ZNF723: variants seen among roughly 807,000 people sequenced by gnomAD.
ZNF723 encodes zinc finger protein 723.
In ZNF723, 5 loss-of-function variants were observed where a neutral mutation model predicts 9.4. The observed-to-expected ratio is 0.53, with a 90% CI of 0.28 to 1.12. The LOEUF (loss-of-function observed/expected upper bound fraction) is 1.12. Ranked by LOEUF, ZNF723 falls within the 50% of genes most tolerant of loss-of-function variation. The pLI is 0.10. For synonymous variants in ZNF723, 158 were observed against 168.8 expected, an observed-to-expected ratio of 0.94 and a Z score of 0.49; for missense variants, 450 against 501.5, an observed-to-expected ratio of 0.90 and a Z score of 0.98.
intron 1 of ZNF723, among the ~76,000 whole-genome samples, chr19:22,846,523 C>T (rs766141893): frequency 1.1e-4 from 16 of 151,940 alleles, no homozygotes; most frequent in Admixed American, 2.0e-4. Context: ...CTTGATAGGC[C>T]GAGGCAGGAG....
chr19:22,826,147 G>A, the ZNF723 span, among the ~76,000 whole-genome samples: 5 of 152,144 alleles, frequency 3.3e-5, no homozygotes, highest in Non-Finnish European at 5.9e-5. Context: ...CCCACTGGGG[G>A]CATTGTGACA....
At chr19:22,849,910 A>G (rs1039215164) in intron 3 of ZNF723, among the ~76,000 whole-genome samples, 1 of 152,170 alleles carries the variant, frequency 6.6e-6, no homozygotes, top group African/African-American at 2.4e-5. Flanking sequence ...AGTCCATCTC[A>G]AAAGTAAAAA....
the ZNF723 span, among the ~76,000 whole-genome samples, chr19:22,823,726 G>A: frequency 1.3e-5 from 2 of 152,190 alleles, no homozygotes; most frequent in South Asian, 4.1e-4. Flanking sequence ...CAAGCACCAA[G>A]GTAATATGAC....
At chr19:22,852,753 T>C (rs1403447703) in intron 3 of ZNF723, among the ~76,000 whole-genome samples, 1 of 152,186 alleles carries the variant, frequency 6.6e-6, no homozygotes, top group Non-Finnish European at 1.5e-5. Context: ...CTATGCAACA[T>C]ATCCCTAGAA....
chr19:22,858,307 G>A lies in ZNF723; in HGVS notation c.1416G>A (p.Lys472=). ...FNQYSTLNKH[K]IIHAREKPYK... The stretch of plus-strand genomic sequence containing the variant: ...AATATTCAACCCTTAATAAACATAA[G>A]ATAATTCATGCTAGAGAGAAGCCTT... Residue 472 remains lysine (K), a synonymous_variant, in exon 4 of 4, where the codon AAG becomes AAA. Coordinates refer to ENST00000600766, the MANE Select transcript of ZNF723 (RefSeq NM_001349726.2). 8.4e-7 allele frequency: 1 copy of A among 1,183,902 alleles called. No individual in the cohort carries two copies. The highest frequency in any genetic ancestry group is 1.3e-6 in the Non-Finnish European group (1 of 796,552). The allele number at this position is 1,183,902 out of a possible 1,614,324, so 73.3% of individuals were successfully genotyped here.
chr19:22,819,884 T>C, the ZNF723 span, among the ~76,000 whole-genome samples: 4 of 152,130 alleles, frequency 2.6e-5, no homozygotes, highest in Non-Finnish European at 5.9e-5. Context: ...GCATACATTG[T>C]GTATTGTGAC....
In ZNF723 at chr19:22,839,463, T is replaced by A. The variant is rs999469554; in HGVS notation, c.3+7081T>A. Among the ~76,000 whole-genome samples, 325 of 138,456 alleles carry A rather than the reference T, an allele frequency of 2.3e-3. 2 individuals are homozygous for A. The highest frequency in any genetic ancestry group is 8.4e-3 in the African/African-American group (277 of 32,934). 90.8% of individuals were successfully genotyped at this position (138,456 alleles called of 152,430 possible). A position where few individuals can be genotyped will look rare whatever the true frequency, so the allele number is the denominator to read the frequency against. On this transcript the variant is annotated intron_variant, in intron 1 of 3. Coordinates refer to ENST00000600766, the MANE Select transcript of ZNF723 (RefSeq NM_001349726.2). ...CACAACCTTGCCAGCATGTTTTTTT[T>A]TGGTTTTTTTTTTTTTTTTTTGAGA...
chr19:22,820,068 G>A, the ZNF723 span, among the ~76,000 whole-genome samples: 1 of 152,238 alleles, frequency 6.6e-6, no homozygotes, highest in East Asian at 1.9e-4. Context: ...CCCAGGTGAT[G>A]TGACTCTCCT....
intron 3 of ZNF723, among the ~76,000 whole-genome samples, chr19:22,851,641 C>T (rs1418052893): frequency 6.6e-6 from 1 of 152,170 alleles, no homozygotes; most frequent in Non-Finnish European, 1.5e-5. Context: ...TATCGGATTA[C>T]AGGCATGAGC....
Position 22,858,455 on chromosome 19 carries a change from A to G in ZNF723, c.*22A>G, listed in dbSNP as rs181626062. 6 of 641,594 alleles carry G rather than the reference A, an allele frequency of 9.4e-6. No individual in the cohort carries two copies. The highest frequency in any genetic ancestry group is 8.8e-5 in the Admixed American group (3 of 33,918). 39.7% of individuals were successfully genotyped at this position (641,594 alleles called of 1,614,324 possible). ...GTGACAATGCTTTTTATGAAATCCC[A>G]AACTTTTTTAAACATAAAAGAAATG... On this transcript the variant is annotated 3_prime_UTR_variant, in exon 4 of 4. Transcript: ENST00000600766.
At chr19:22,827,638 AGAATT>A (rs1967051958), upstream of ZNF723, among the ~76,000 whole-genome samples, 1 of 151,990 alleles carries the variant, frequency 6.6e-6, no homozygotes, top group Admixed American at 6.6e-5. Context: ...TAGTAGAGAC[AGAATT>A]TCACCATGTT....
chr19:22,844,948 T>G (rs2145218178), intron 1 of ZNF723, among the ~76,000 whole-genome samples: 1 of 152,230 alleles, frequency 6.6e-6, no homozygotes, highest in East Asian at 1.9e-4. Context: ...AAACCCCATC[T>G]CTACTAAAAA....
At chr19:22,831,917 A>AAAT (rs1555738432), upstream of ZNF723, among the ~76,000 whole-genome samples, 1 of 152,192 alleles carries the variant, frequency 6.6e-6, no homozygotes, top group Non-Finnish European at 1.5e-5. Context: ...TCAAAAAAAA[A>AAAT]AATAATAAAT....
At position 22,857,310 on chromosome 19, in the gene ZNF723, C is replaced by A. The variant is rs1967492900; in HGVS notation, c.419C>A (p.Thr140Asn). ...GAACTTAAGCAATGTTTGACAACTACCCCGAGCAAAATATTTCAATGTGAT... is the reference window on the plus strand; with the variant it reads ...GAACTTAAGCAATGTTTGACAACTAACCCGAGCAAAATATTTCAATGTGAT... ...YDELKQCLTT[T>N]PSKIFQCDKY... Residue 140 changes from threonine (T) to asparagine (N), a missense_variant, in exon 4 of 4, where the codon ACC becomes AAC. Physicochemically the swap from Thr to Asn is moderately conservative, Grantham distance 65 (BLOSUM62 0). Around this residue, in one of 5 missense-constraint regions of ZNF723, gnomAD observed 143 missense variants for 101.3 expected, o/e 1.41. Transcript: ENST00000600766. 2.4e-6 allele frequency: 2 copies of A among 819,152 alleles called. No homozygotes were observed. The highest frequency in any genetic ancestry group is 1.3e-5 in the South Asian group (1 of 74,210). 50.7% of individuals were successfully genotyped at this position (819,152 alleles called of 1,614,324 possible). A position where few individuals can be genotyped will look rare whatever the true frequency, so the allele number is the denominator to read the frequency against.
At chr19:22,851,424 G>A (rs1463081517) in intron 3 of ZNF723, among the ~76,000 whole-genome samples, 1 of 152,030 alleles carries the variant, frequency 6.6e-6, no homozygotes, top group East Asian at 1.9e-4. Flanking sequence ...TGCCTGCCTT[G>A]ACCTCCTAAA....
intron 1 of ZNF723, among the ~76,000 whole-genome samples, chr19:22,834,630 A>T (rs898022501): frequency 2.6e-5 from 4 of 152,042 alleles, no homozygotes; most frequent in African/African-American, 9.7e-5. Flanking sequence ...CTCTCCAGGG[A>T]GGAAGTTGAT....
At chr19:22,835,186 G>A (rs1967151614) in intron 1 of ZNF723, among the ~76,000 whole-genome samples, 1 of 150,924 alleles carries the variant, frequency 6.6e-6, no homozygotes, top group African/African-American at 2.4e-5. Context: ...GATTACAGGC[G>A]CCTGCCACCA....
chr19:22,837,276 T>TAAA (rs35892606), intron 1 of ZNF723, among the ~76,000 whole-genome samples: 1 of 125,010 alleles, frequency 8.0e-6, no homozygotes, highest in Non-Finnish European at 1.7e-5. Flanking sequence ...GACTCTGGCT[T>TAAA]AAAAAAAAAA....
At chr19:22,822,038 T>A in the ZNF723 span, among the ~76,000 whole-genome samples, 1 of 151,950 alleles carries the variant, frequency 6.6e-6, no homozygotes, top group Non-Finnish European at 1.5e-5. Flanking sequence ...TGAACCCGGG[T>A]GGCAGAGGTT....
Sources: gnomAD v4.1 joint callset for allele counts (sites outside exome capture counted in the v4.1 genomes callset) on GRCh38, gnomAD v4.1.1 for gene constraint, gnomAD v4.1.1 regional missense constraint, MANE v1.5 for transcripts, NCBI Gene and HGNC (gene_info 2026-07-23, HGNC 2026-07-21) for gene names.